SUPT3H: variants seen among roughly 807,000 people sequenced by gnomAD.
The protein encoded by SUPT3H is transcription initiation protein SPT3 homolog.
A neutral mutation model predicts 44.3 loss-of-function variants in SUPT3H; 44 were observed. The ratio of observed to expected loss-of-function variants is 0.99; its 90% CI spans 0.78 to 1.28. The LOEUF (loss-of-function observed/expected upper bound fraction) is 1.28, where lower values mean the gene tolerates loss of function less well. Among genes scored for constraint, SUPT3H ranks in the 50% most tolerant of loss-of-function variants. The pLI is 0.00. For synonymous variants in SUPT3H, 124 were observed against 125.6 expected (o/e 0.99, Z 0.09); for missense variants, 380 against 387.1 (o/e 0.98, Z 0.15).
chr6:45,260,221 T>C (rs1386565819), intron 2 of SUPT3H, among the ~76,000 whole-genome samples: 2 of 152,166 alleles, frequency 1.3e-5, no homozygotes, highest in Non-Finnish European at 2.9e-5. Flanking sequence ...GTAAATAAAC[T>C]ACATTCTACG....
chr6:44,999,062 T>A (rs1781657741), intron 6 of SUPT3H, among the ~76,000 whole-genome samples: 1 of 152,052 alleles, frequency 6.6e-6, no homozygotes, highest in East Asian at 1.9e-4. Context: ...GTCAAGGTTT[T>A]GTTTGTTAGT....
chr6:45,222,056 G>A (rs541130671), intron 2 of SUPT3H, among the ~76,000 whole-genome samples: 1 of 151,960 alleles, frequency 6.6e-6, no homozygotes, highest in South Asian at 2.1e-4. Context: ...AAATAGTGAT[G>A]GAGCATTTGG....
At chr6:45,302,756 A>C (rs986362721) in intron 2 of SUPT3H, among the ~76,000 whole-genome samples, 1 of 151,922 alleles carries the variant, frequency 6.6e-6, no homozygotes, top group African/African-American at 2.4e-5. Flanking sequence ...TCTTTAAGGA[A>C]TCTCCACACT....
At chr6:45,243,979 CAA>C (rs1770871081) in intron 2 of SUPT3H, among the ~76,000 whole-genome samples, 1 of 152,170 alleles carries the variant, frequency 6.6e-6, no homozygotes, top group Non-Finnish European at 1.5e-5. Flanking sequence ...CATCTGGGCT[CAA>C]GTCATCCTCC....
chr6:45,159,683 C>T (rs1217607087), intron 2 of SUPT3H, among the ~76,000 whole-genome samples: 1 of 152,150 alleles, frequency 6.6e-6, no homozygotes, highest in East Asian at 1.9e-4. Context: ...TTAAAGTGTT[C>T]AAATTCCTTT....
intron 2 of SUPT3H, among the ~76,000 whole-genome samples, chr6:45,364,433 T>C (rs1315052336): frequency 6.6e-6 from 1 of 152,176 alleles, no homozygotes; most frequent in African/African-American, 2.4e-5. Flanking sequence ...TCTTTTCAAC[T>C]ACCTGTTAAG....
intron 9 of SUPT3H, among the ~76,000 whole-genome samples, chr6:44,936,667 C>T (rs967980982): frequency 2.0e-5 from 3 of 152,016 alleles, no homozygotes; most frequent in South Asian, 2.1e-4. Context: ...AATATTATTT[C>T]GTTCCTTATT....
At chr6:45,079,492 GA>G (rs1213260195) in intron 3 of SUPT3H, among the ~76,000 whole-genome samples, 3 of 149,750 alleles carry the variant, frequency 2.0e-5, no homozygotes, top group African/African-American at 4.9e-5. Flanking sequence ...GAAGGAGGAA[GA>G]AAAAAAGGAA....
chr6:45,015,011 T>C, intron 4 of SUPT3H, 120 bp from the exon 5 acceptor site: 1 of 507,918 alleles, frequency 2.0e-6, no homozygotes, highest in East Asian at 3.5e-5. Context: ...GAAAGTAAAG[T>C]AATCCTTAGC....
At chr6:44,886,219 C>T (rs1001214014) in intron 10 of SUPT3H, among the ~76,000 whole-genome samples, 3 of 152,052 alleles carry the variant, frequency 2.0e-5, no homozygotes, top group African/African-American at 7.2e-5. Context: ...GAGAACTTCC[C>T]CAATCTAGCA....
chr6:45,057,535 A>G (rs773869349), intron 3 of SUPT3H, among the ~76,000 whole-genome samples: 16 of 152,176 alleles, frequency 1.1e-4, no homozygotes, highest in Non-Finnish European at 1.9e-4. Flanking sequence ...AGAGCCTGAC[A>G]AAGTGAAATG....
chr6:45,143,952 G>A (rs73449282), intron 2 of SUPT3H, among the ~76,000 whole-genome samples: 17,489 of 151,912 alleles, frequency 0.12, 1,381 homozygotes, highest in East Asian at 0.26. Flanking sequence ...CTAGAGAGAC[G>A]GAAAAATTTC....
chr6:44,876,780 C>T lies in SUPT3H; in HGVS notation c.913-46923G>A, dbSNP rs529366978. Among the ~76,000 whole-genome samples the T allele has an allele frequency of 6.2e-4, 84 of 135,656 alleles. 1 individual carries two copies. The Middle Eastern group carries it at 0.013, about 21-fold the overall frequency. The allele number at this position is 135,656 out of a possible 152,430, so 89.0% of individuals were successfully genotyped here. ...TGAAAATGAAAACACAAAAGCAAAA[C>T]TGTGCTTAAAATACATAGTTGTAAA... On this transcript the variant is annotated intron_variant, in intron 10 of 10. Transcript: ENST00000371459.
intron 4 of SUPT3H, among the ~76,000 whole-genome samples, chr6:45,016,609 T>C (rs1784325567): frequency 6.6e-6 from 1 of 151,002 alleles, no homozygotes; most frequent in Non-Finnish European, 1.5e-5. Flanking sequence ...TTTTTTGTCC[T>C]TGTGATAGTT....
intron 10 of SUPT3H, among the ~76,000 whole-genome samples, chr6:44,911,315 A>G (rs1767009337): frequency 6.6e-6 from 1 of 152,084 alleles, no homozygotes; most frequent in South Asian, 2.1e-4. Flanking sequence ...AATTTGGTAT[A>G]TATTTAATTA....
At chr6:44,820,734 T>G (rs1767244902) in intron 11 of SUPT3H, among the ~76,000 whole-genome samples, 1 of 152,194 alleles carries the variant, frequency 6.6e-6, no homozygotes, top group Non-Finnish European at 1.5e-5. Context: ...AAATGGTATT[T>G]TAGAAGACAG....
intron 2 of SUPT3H, among the ~76,000 whole-genome samples, chr6:45,126,376 T>C (rs1235497146): frequency 6.6e-6 from 1 of 152,204 alleles, no homozygotes; most frequent in African/African-American, 2.4e-5. Flanking sequence ...GATGGTTTCT[T>C]TGGACTCCTT....
At chr6:45,174,521 G>A (rs1811363178) in intron 2 of SUPT3H, among the ~76,000 whole-genome samples, 2 of 152,136 alleles carry the variant, frequency 1.3e-5, no homozygotes, top group East Asian at 3.9e-4. Flanking sequence ...ATAAAGTGAG[G>A]TGAATAAGAG....
intron 3 of SUPT3H, among the ~76,000 whole-genome samples, chr6:45,042,500 T>C (rs1456388140): frequency 6.6e-6 from 1 of 152,212 alleles, no homozygotes; most frequent in Non-Finnish European, 1.5e-5. Context: ...TTGCTTACTA[T>C]ATGTCTGGAA....
Sources: gnomAD v4.1 joint callset for allele counts (sites outside exome capture counted in the v4.1 genomes callset) on GRCh38, gnomAD v4.1.1 for gene constraint, MANE v1.5 for transcripts, NCBI Gene and HGNC (gene_info 2026-07-23, HGNC 2026-07-21) for gene names.